TENM2: variants seen among roughly 807,000 people sequenced by gnomAD.
TENM2 encodes teneurin-2.
A neutral mutation model predicts 245.2 loss-of-function variants in TENM2; 52 were observed. The observed-to-expected ratio is 0.21, with a 90% CI of 0.17 to 0.27. TENM2 has a LOEUF of 0.27. Ranked by LOEUF, TENM2 falls within the 10% of genes least tolerant of loss-of-function variation. TENM2 has a pLI of 1.00. For synonymous variants in TENM2, 1,363 were observed against 1,438.9 expected (o/e 0.95, Z 1.19); for missense variants, 3,046 against 3,666.8 (o/e 0.83, Z 4.37).
chr5:167,936,378 C>T (rs10065576), intron 3 of TENM2, among the ~76,000 whole-genome samples: 5,886 of 152,224 alleles, frequency 0.039, 398 homozygotes, highest in African/African-American at 0.13. Flanking sequence ...AATACAAAAA[C>T]GATTAACGAT....
the TENM2 span, chr5:167,168,417 T>C: frequency 1.3e-5 from 2 of 152,226 alleles, no homozygotes; most frequent in East Asian, 1.9e-4. Flanking sequence ...GTTGCTACCC[T>C]TCACAAGTCC....
intron 7 of TENM2, among the ~76,000 whole-genome samples, chr5:168,065,854 G>T (rs1341568873): frequency 6.9e-6 from 1 of 144,140 alleles, no homozygotes; most frequent in Non-Finnish European, 1.5e-5. Context: ...AAGAACAAAG[G>T]TTTTTTTTTT....
At chr5:167,036,629 T>C in the TENM2 span, among the ~76,000 whole-genome samples, 5 of 152,200 alleles carry the variant, frequency 3.3e-5, no homozygotes, top group Admixed American at 6.5e-5. Flanking sequence ...CTCCCCAGAA[T>C]TGAGACGTCC....
chr5:167,931,837 C>T (rs1356155993), intron 3 of TENM2, among the ~76,000 whole-genome samples: 1 of 152,154 alleles, frequency 6.6e-6, no homozygotes, highest in Non-Finnish European at 1.5e-5. Context: ...AGATTAATAG[C>T]TGTTTTGAAG....
intron 2 of TENM2, among the ~76,000 whole-genome samples, chr5:167,870,189 A>AT (rs1220503292): frequency 6.6e-5 from 10 of 151,942 alleles, no homozygotes; most frequent in Non-Finnish European, 4.4e-5. Flanking sequence ...CTTACAAATT[A>AT]TTTTTTTCTG....
chr5:167,579,561 G>A (rs1046407982), intron 2 of TENM2, among the ~76,000 whole-genome samples: 1 of 152,224 alleles, frequency 6.6e-6, no homozygotes, highest in African/African-American at 2.4e-5. Flanking sequence ...TCGTAGCCAA[G>A]CGTTGTCCTG....
At chr5:168,207,675 T>A (rs1341423305) in intron 19 of TENM2, among the ~76,000 whole-genome samples, 2 of 152,206 alleles carry the variant, frequency 1.3e-5, no homozygotes, top group East Asian at 3.9e-4. Context: ...GTCTTGCTTA[T>A]GTCTTTTCTC....
chr5:167,505,416 T>A (rs1197036591), intron 2 of TENM2, among the ~76,000 whole-genome samples: 1 of 152,174 alleles, frequency 6.6e-6, no homozygotes, highest in Non-Finnish European at 1.5e-5. Context: ...CACTTAGTTG[T>A]TTAGAGTTTA....
intron 1 of TENM2, among the ~76,000 whole-genome samples, chr5:167,327,113 G>A (rs2127782310): frequency 6.6e-6 from 1 of 152,202 alleles, no homozygotes; most frequent in Non-Finnish European, 1.5e-5. Context: ...CCATGTTGGT[G>A]TGCTGCACCC....
At chr5:167,210,989 G>A in the TENM2 span, among the ~76,000 whole-genome samples, 1 of 152,068 alleles carries the variant, frequency 6.6e-6, no homozygotes, top group East Asian at 1.9e-4. Flanking sequence ...AGTAGACTGT[G>A]GGAAGTGATG....
At chr5:168,048,991 A>G (rs979210717) in intron 6 of TENM2, among the ~76,000 whole-genome samples, 2 of 152,230 alleles carry the variant, frequency 1.3e-5, no homozygotes, top group African/African-American at 4.8e-5. Flanking sequence ...GCCCAGAGCC[A>G]AATGTATTGA....
At chr5:167,544,956 C>G (rs950720551) in intron 2 of TENM2, among the ~76,000 whole-genome samples, 1 of 152,094 alleles carries the variant, frequency 6.6e-6, no homozygotes, top group Non-Finnish European at 1.5e-5. Flanking sequence ...AATATAGCAG[C>G]GTCCAAATAC....
rs767501350 is a variant in TENM2 at position 168,228,019 on chromosome 5, T to G, written c.5409T>G (p.Ile1803Met). 3 of 1,613,778 alleles carry G rather than the reference T, an allele frequency of 1.9e-6. No homozygotes were observed. The African/African-American group carries it at 4.0e-5, about 22-fold the overall frequency. Residue 1803 changes from isoleucine (I) to methionine (M), a missense_variant, in exon 25 of 29, where the codon ATT becomes ATG. By Grantham distance (10) the Ile-to-Met change is conservative (BLOSUM62 1). Around this residue, in one of 2 missense-constraint regions of TENM2, gnomAD observed 2,704 missense variants for 3,331.9 expected, o/e 0.81. Transcript: ENST00000518659. ...TAGCGGGCACCATCACCCCCACCAT[T>G]GGACGCTGCAACATCTCCCTGCCTA...
chr5:168,097,297 G>A (rs773839179), intron 8 of TENM2, among the ~76,000 whole-genome samples: 6 of 152,190 alleles, frequency 3.9e-5, no homozygotes, highest in Non-Finnish European at 8.8e-5. Context: ...TCTTAACTGA[G>A]TGGGATGATG....
At chr5:167,453,517 C>T (rs911147576) in intron 2 of TENM2, among the ~76,000 whole-genome samples, 1 of 152,160 alleles carries the variant, frequency 6.6e-6, no homozygotes, top group Non-Finnish European at 1.5e-5. Context: ...ATTGTATCAT[C>T]CACTGGTTGT....
intron 1 of TENM2, among the ~76,000 whole-genome samples, chr5:167,295,227 C>G (rs1490551697): frequency 1.3e-5 from 2 of 152,212 alleles, no homozygotes; most frequent in Non-Finnish European, 2.9e-5. Context: ...GATGGTATGT[C>G]TGTCCAGCAT....
Position 168,147,084 on chromosome 5 carries a change from C to T in TENM2, c.2423-15527C>T, listed in dbSNP as rs181865972. Among the ~76,000 whole-genome samples, 21 of 152,360 alleles carry T rather than the reference C, an allele frequency of 1.4e-4. No individual in the cohort carries two copies. The East Asian group carries it at 3.7e-3, about 27-fold the overall frequency. On this transcript the variant is annotated intron_variant, in intron 12 of 28. Coordinates refer to ENST00000518659, the Ensembl canonical transcript of TENM2. ...ATGACTCACTGCTACTCCGCATAGG[C>T]GTAGTTGGCCAACTTCCCTAAATTT...
At chr5:168,090,337 A>G (rs557790289) in intron 7 of TENM2, among the ~76,000 whole-genome samples, 1 of 152,164 alleles carries the variant, frequency 6.6e-6, no homozygotes, top group African/African-American at 2.4e-5. Flanking sequence ...CAGACAAGAG[A>G]TTGTGGCCTA....
intron 2 of TENM2, among the ~76,000 whole-genome samples, chr5:167,398,988 T>C (rs1428487757): frequency 1.3e-5 from 2 of 152,206 alleles, no homozygotes; most frequent in African/African-American, 2.4e-5. Context: ...AACCCTTGGC[T>C]GTCAGGTCCT....
Sources: allele counts gnomAD v4.1 joint callset (sites outside exome capture counted in the v4.1 genomes callset), GRCh38; gene constraint gnomAD v4.1.1; regional missense constraint gnomAD v4.1.1; transcripts MANE v1.5; gene names NCBI Gene and HGNC (gene_info 2026-07-23, HGNC 2026-07-21).